The following COL22A1 variants were observed in gnomAD, a reference collection of about 807,000 sequenced individuals.
COL22A1 encodes collagen type XXII alpha 1 chain, also known as collagen alpha-1(XXII) chain.
A neutral mutation model predicts 248.9 loss-of-function variants in COL22A1; 221 were observed. The ratio of observed to expected loss-of-function variants is 0.89; its 90% CI spans 0.80 to 0.99. The LOEUF (loss-of-function observed/expected upper bound fraction) is 0.99. COL22A1 is among the 50% of genes least tolerant of loss of function. The probability of loss-of-function intolerance (pLI) is 0.00; values close to 1 mark genes in which losing one functional copy is unlikely to be tolerated. For synonymous variants in COL22A1, 891 were observed against 793.4 expected (o/e 1.12, Z -2.07); for missense variants, 2,240 against 2,179.0 (o/e 1.03, Z -0.56).
intron 12 of COL22A1, among the ~76,000 whole-genome samples, chr8:138,791,593 C>A (rs1312662145): frequency 6.6e-6 from 1 of 152,174 alleles, no homozygotes; most frequent in Non-Finnish European, 1.5e-5. Context: ...GTTTAGCAAA[C>A]CACCCCACAA....
intron 21 of COL22A1, among the ~76,000 whole-genome samples, chr8:138,754,438 G>C (rs1020463661): frequency 6.6e-6 from 1 of 152,158 alleles, no homozygotes; most frequent in African/African-American, 2.4e-5. Flanking sequence ...TCCTCATAAA[G>C]AGTGGGCCTC....
intron 41 of COL22A1, among the ~76,000 whole-genome samples, chr8:138,671,006 G>A (rs66644529): frequency 0.06 from 8,552 of 142,744 alleles, 615 homozygotes; most frequent in African/African-American, 0.17. Context: ...GAGTGTGAAG[G>A]CTAAAGTGAA....
chr8:138,627,058 G>A (rs1198154131), intron 50 of COL22A1, among the ~76,000 whole-genome samples: 3 of 152,118 alleles, frequency 2.0e-5, no homozygotes, highest in East Asian at 1.9e-4. Context: ...CACACAAAAC[G>A]AGGTATTCTT....
intron 21 of COL22A1, 44 bp from the exon 22 acceptor site, chr8:138,751,555 T>C: frequency 7.2e-7 from 1 of 1,396,134 alleles, no homozygotes; most frequent in Non-Finnish European, 1.0e-6. Flanking sequence ...AACATAATGG[T>C]AAATGCAGGG....
intron 44 of COL22A1, 119 bp downstream of exon 44, chr8:138,660,317 C>A (rs1823702386): frequency 2.4e-6 from 2 of 822,316 alleles, no homozygotes; most frequent in South Asian, 1.5e-5. Context: ...TTTCCTCTGC[C>A]CACAGTTTTG....
intron 16 of COL22A1, among the ~76,000 whole-genome samples, chr8:138,768,295 C>A (rs922970508): frequency 3.9e-5 from 6 of 152,190 alleles, no homozygotes; most frequent in African/African-American, 1.4e-4. Context: ...GCCACAGCAG[C>A]AGTTGCACGG....
At chr8:138,742,446 T>C (rs373723811) in intron 22 of COL22A1, among the ~76,000 whole-genome samples, 2 of 151,892 alleles carry the variant, frequency 1.3e-5, no homozygotes, top group African/African-American at 4.8e-5. Context: ...GTAGAGTTGA[T>C]GATGGTACTA....
At chr8:138,852,770 G>A (rs1821738685) in intron 3 of COL22A1, among the ~76,000 whole-genome samples, 1 of 152,078 alleles carries the variant, frequency 6.6e-6, no homozygotes, top group African/African-American at 2.4e-5. Flanking sequence ...CCAGGGAGAG[G>A]GAGGTCCGCA....
At chr8:138,665,231 T>C (rs187759911) in intron 41 of COL22A1, among the ~76,000 whole-genome samples, 7 of 152,296 alleles carry the variant, frequency 4.6e-5, no homozygotes, top group African/African-American at 1.7e-4. Flanking sequence ...AGACCTGCCC[T>C]GGAGGGGAGC....
At chr8:138,610,028 C>T (rs191695595) in intron 56 of COL22A1, among the ~76,000 whole-genome samples, 1 of 152,338 alleles carries the variant, frequency 6.6e-6, no homozygotes, top group East Asian at 1.9e-4. Context: ...GTGACAAGGA[C>T]TTCTAGCACA....
At chr8:138,867,757 T>G (rs557902399) in intron 3 of COL22A1, among the ~76,000 whole-genome samples, 1 of 152,280 alleles carries the variant, frequency 6.6e-6, no homozygotes, top group East Asian at 1.9e-4. Flanking sequence ...ATTATTGTAT[T>G]TATTTATTGT....
chr8:138,889,793 T>G (rs1371763218), intron 1 of COL22A1, among the ~76,000 whole-genome samples: 1 of 152,192 alleles, frequency 6.6e-6, no homozygotes, highest in African/African-American at 2.4e-5. Flanking sequence ...AAATGGATCA[T>G]CCATCGTTGT....
intron 53 of COL22A1, among the ~76,000 whole-genome samples, chr8:138,618,732 T>C (rs1406976077): frequency 3.9e-5 from 6 of 152,208 alleles, no homozygotes; most frequent in Admixed American, 3.9e-4. Flanking sequence ...TTTAGGATAA[T>C]CATTTAAAAT....
At chr8:138,632,311 CTT>C (rs1374414428) in intron 49 of COL22A1, among the ~76,000 whole-genome samples, 1 of 152,106 alleles carries the variant, frequency 6.6e-6, no homozygotes, top group Non-Finnish European at 1.5e-5. Flanking sequence ...ATTTCAGTTC[CTT>C]TGTAAAATGA....
chr8:138,813,215 C>T (rs1391618786), intron 7 of COL22A1, among the ~76,000 whole-genome samples, 196 bp from the exon 8 acceptor site: 1 of 152,152 alleles, frequency 6.6e-6, no homozygotes, highest in African/African-American at 2.4e-5. Flanking sequence ...CTGCTCACAC[C>T]CCTGATCTGG....
At chr8:138,688,668 A>G (rs4909443) in intron 37 of COL22A1, among the ~76,000 whole-genome samples, 74,790 of 151,916 alleles carry the variant, frequency 0.49, 18,951 homozygotes, top group African/African-American at 0.62. Context: ...TGAGACACAG[A>G]GCAAACTAAT....
chr8:138,902,038 G>A (rs1219604501), intron 1 of COL22A1, among the ~76,000 whole-genome samples: 1 of 152,120 alleles, frequency 6.6e-6, no homozygotes, highest in Non-Finnish European at 1.5e-5. Flanking sequence ...ACAAATAGGA[G>A]ACTCCAGCTG....
intron 52 of COL22A1, chr8:138,620,296 C>T (rs1819680895): frequency 6.6e-6 from 1 of 152,026 alleles, no homozygotes; most frequent in Non-Finnish European, 1.5e-5. Flanking sequence ...GCCTGGAAGA[C>T]ATGCCTGTTC....
In COL22A1 at chr8:138,755,483, T is replaced by A. The variant is rs773833102; in HGVS notation, c.1976A>T (p.Gln659Leu). ...VVQQEGLKGEQGAPGPRGHQG... is the reference protein window; with the variant it reads ...VVQQEGLKGELGAPGPRGHQG... ...GAAGAAGACGCGTGTGCCTCTTACC[T>A]GTTCCCCTTTCAAGCCCTCTTGCTG... The change falls in exon 20 of 65, where the codon CAG becomes CTG. Residue 659 changes from glutamine (Q) to leucine (L), a missense_variant and splice_region_variant. By Grantham distance (113) the Gln-to-Leu change is moderately radical. Coordinates refer to ENST00000303045, the MANE Select transcript of COL22A1 (RefSeq NM_152888.3). The A allele has an allele frequency of 6.2e-7, 1 of 1,613,934 alleles. No homozygotes were observed. The highest frequency in any genetic ancestry group is 8.5e-7 in the Non-Finnish European group (1 of 1,179,822).
Sources: gnomAD v4.1 joint callset for allele counts (sites outside exome capture counted in the v4.1 genomes callset) on GRCh38, gnomAD v4.1.1 for gene constraint, MANE v1.5 for transcripts, NCBI Gene and HGNC (gene_info 2026-07-23, HGNC 2026-07-21) for gene names.